PDE6D: variants seen among roughly 807,000 people sequenced by gnomAD.
The protein encoded by PDE6D is phosphodiesterase 6D.
Under a neutral mutation model 21.9 loss-of-function variants are expected in PDE6D, and 10 were observed. The ratio of observed to expected loss-of-function variants is 0.46; its 90% CI spans 0.28 to 0.78. PDE6D has a LOEUF of 0.78. Ranked by LOEUF, PDE6D falls within the 30% of genes least tolerant of loss-of-function variation. The pLI is 0.12. For missense variants in PDE6D, 139 were observed against 184.8 expected (o/e 0.75, Z 1.44); for synonymous variants, 59 against 63.5 (o/e 0.93, Z 0.34).
chr2:231,754,408 G>A (rs988358164), intron 1 of PDE6D, among the ~76,000 whole-genome samples: 2 of 148,476 alleles, frequency 1.3e-5, no homozygotes, highest in African/African-American at 2.5e-5. Context: ...CCAGGCTGGA[G>A]TGCAGTGGTG....
chr2:231,748,775 C>T (rs749094219), intron 1 of PDE6D, among the ~76,000 whole-genome samples: 7 of 152,158 alleles, frequency 4.6e-5, no homozygotes, highest in Non-Finnish European at 7.3e-5. Flanking sequence ...CTGCTCCAGC[C>T]GTGGCTAAAA....
At chr2:231,780,816 G>A (rs954989890) in intron 1 of PDE6D, among the ~76,000 whole-genome samples, 1 of 152,040 alleles carries the variant, frequency 6.6e-6, no homozygotes, top group Non-Finnish European at 1.5e-5. Flanking sequence ...CCGTCCCCCA[G>A]GCTCCCCCGT....
At chr2:231,746,694 C>T (rs1458367601) in intron 1 of PDE6D, among the ~76,000 whole-genome samples, 2 of 151,944 alleles carry the variant, frequency 1.3e-5, no homozygotes, top group African/African-American at 4.8e-5. Context: ...AAAGAGAAAT[C>T]AGGGTAAGAG....
At chr2:231,747,659 G>A (rs897807572) in intron 1 of PDE6D, among the ~76,000 whole-genome samples, 1 of 152,084 alleles carries the variant, frequency 6.6e-6, no homozygotes, top group Non-Finnish European at 1.5e-5. Flanking sequence ...GCTTTCCTCT[G>A]CACTTAAAAA....
At chr2:231,755,112 C>A (rs991358101) in intron 1 of PDE6D, among the ~76,000 whole-genome samples, 1 of 152,132 alleles carries the variant, frequency 6.6e-6, no homozygotes, top group Non-Finnish European at 1.5e-5. Flanking sequence ...AAACAGTAGT[C>A]TGCAACCTGG....
intron 1 of PDE6D, among the ~76,000 whole-genome samples, chr2:231,749,500 G>T (rs929150058): frequency 7.0e-6 from 1 of 142,940 alleles, no homozygotes; most frequent in Non-Finnish European, 1.5e-5. Flanking sequence ...TCTCAGATGA[G>T]ACTTTTTTTT....
At position 231,737,317 on chromosome 2, in the gene PDE6D, G is replaced by T. The variant is rs747815901; in HGVS notation, c.266-25C>A. ...TCTGAAGGAAGAAGGAAAAGCCGGG[G>T]TGAGCAGGTGCCCCAGTATAAAGTT... On this transcript the variant is annotated intron_variant, in intron 3 of 4. Transcript: ENST00000287600. 5 of 1,276,142 alleles carry T rather than the reference G, an allele frequency of 3.9e-6. No homozygotes were observed. In the East Asian group the frequency reaches 1.2e-4, roughly 29 times the overall value. 79.1% of individuals were successfully genotyped at this position (1,276,142 alleles called of 1,614,324 possible). A position where few individuals can be genotyped will look rare whatever the true frequency, so the allele number is the denominator to read the frequency against.
At chr2:231,740,197 A>G (rs1301668254) in intron 1 of PDE6D, among the ~76,000 whole-genome samples, 2 of 152,198 alleles carry the variant, frequency 1.3e-5, no homozygotes, top group South Asian at 2.1e-4. Flanking sequence ...GCCTTCTAAC[A>G]TAAGTATTTA....
chr2:231,780,227 C>A (rs927271063), intron 1 of PDE6D, among the ~76,000 whole-genome samples: 1 of 152,104 alleles, frequency 6.6e-6, no homozygotes, highest in Non-Finnish European at 1.5e-5. Context: ...CTACCGTGGC[C>A]CCAGCGACAT....
intron 1 of PDE6D, among the ~76,000 whole-genome samples, chr2:231,759,628 G>C (rs2048910467): frequency 1.3e-5 from 2 of 152,178 alleles, no homozygotes; most frequent in Non-Finnish European, 2.9e-5. Context: ...CCAAAAACAT[G>C]TTTGGGAAGC....
intron 1 of PDE6D, among the ~76,000 whole-genome samples, chr2:231,743,428 CAAA>C (rs34916848): frequency 3.4e-5 from 2 of 59,036 alleles, no homozygotes; most frequent in Non-Finnish European, 7.5e-5. Context: ...GATTCCGTCT[CAAA>C]AAAAAAAAAA....
At chr2:231,738,414 C>G (rs2048721090) in intron 2 of PDE6D, among the ~76,000 whole-genome samples, 1 of 152,210 alleles carries the variant, frequency 6.6e-6, no homozygotes, top group African/African-American at 2.4e-5. Flanking sequence ...CATCTAACTA[C>G]TCTCATCAGG....
intron 1 of PDE6D, among the ~76,000 whole-genome samples, chr2:231,745,504 TC>T (rs939465226): frequency 6.6e-6 from 1 of 152,172 alleles, no homozygotes; most frequent in African/African-American, 2.4e-5. Context: ...ATTTAAAAGC[TC>T]CCTGGTGATT....
intron 1 of PDE6D, among the ~76,000 whole-genome samples, chr2:231,765,422 T>C (rs1286361728): frequency 1.3e-5 from 2 of 152,156 alleles, no homozygotes; most frequent in African/African-American, 2.4e-5. Context: ...GAATTGCAAG[T>C]AACAATATAT....
chr2:231,743,423 C>T (rs539569670), intron 1 of PDE6D, among the ~76,000 whole-genome samples: 151 of 129,518 alleles, frequency 1.2e-3, no homozygotes, highest in African/African-American at 4.2e-3. Context: ...AGCAAGATTC[C>T]GTCTCAAAAA....
At chr2:231,777,175 C>T in intron 1 of PDE6D, among the ~76,000 whole-genome samples, 1 of 152,130 alleles carries the variant, frequency 6.6e-6, no homozygotes, top group Admixed American at 6.6e-5. Context: ...AAAACAGATA[C>T]TCTGAAAGAG....
At chr2:231,763,968 C>G (rs2048951308) in intron 1 of PDE6D, among the ~76,000 whole-genome samples, 1 of 151,776 alleles carries the variant, frequency 6.6e-6, no homozygotes, top group African/African-American at 2.4e-5. Context: ...ATTAATCTCA[C>G]TGTATTTTAC....
At chr2:231,766,903 G>A (rs1312849096) in intron 1 of PDE6D, among the ~76,000 whole-genome samples, 4 of 150,648 alleles carry the variant, frequency 2.7e-5, no homozygotes, top group East Asian at 2.0e-4. Context: ...GAGGCTACTC[G>A]GGATGGCTGG....
intron 1 of PDE6D, among the ~76,000 whole-genome samples, chr2:231,741,077 T>C (rs2048745213): frequency 7.8e-6 from 1 of 127,428 alleles, no homozygotes; most frequent in East Asian, 2.4e-4. Flanking sequence ...GATTGCGCCA[T>C]TGCACTCCAG....
Sources: allele counts gnomAD v4.1 joint callset (sites outside exome capture counted in the v4.1 genomes callset), GRCh38; gene constraint gnomAD v4.1.1; transcripts MANE v1.5; gene names NCBI Gene and HGNC (gene_info 2026-07-23, HGNC 2026-07-21).